Variants in CHST9 observed in about 807,000 individuals in gnomAD.
CHST9 encodes carbohydrate sulfotransferase 9, also known as GalNAc-4-sulfotransferase 2.
CHST9 carries 41 observed loss-of-function variants against 44.4 expected under a neutral mutation model. The observed-to-expected ratio is 0.92, with a 90% CI of 0.72 to 1.20. The LOEUF is 1.20. Ranked by LOEUF, CHST9 falls within the 50% of genes most tolerant of loss-of-function variation. The probability of loss-of-function intolerance (pLI) is 0.00; values close to 1 mark genes in which losing one functional copy is unlikely to be tolerated. For synonymous variants in CHST9, 171 were observed against 178.4 expected (o/e 0.96, Z 0.33); for missense variants, 504 against 516.5 (o/e 0.98, Z 0.23).
chr18:26,936,391 A>T (rs1197342296), intron 5 of CHST9: 1 of 152,150 alleles, frequency 6.6e-6, no homozygotes, highest in African/African-American at 2.4e-5. Context: ...AAAACATTGT[A>T]TTTTAGAATG....
At chr18:26,983,483 G>C (rs2056717779) in intron 4 of CHST9, among the ~76,000 whole-genome samples, 1 of 152,088 alleles carries the variant, frequency 6.6e-6, no homozygotes, top group South Asian at 2.1e-4. Context: ...TGACATGCCT[G>C]CTCCCTCTTT....
At chr18:26,935,659 AT>A (rs2055975606) in intron 5 of CHST9, 3 of 152,166 alleles carry the variant, frequency 2.0e-5, no homozygotes, top group Admixed American at 2.0e-4. Context: ...CTTTTAATAC[AT>A]TTTGAGCAAG....
chr18:27,163,266 C>A (rs1221906830), intron 1 of CHST9, among the ~76,000 whole-genome samples: 4 of 152,136 alleles, frequency 2.6e-5, no homozygotes, highest in Admixed American at 6.5e-5. Context: ...GGTCAGGGAC[C>A]CACTTGAGGA....
intron 2 of CHST9, among the ~76,000 whole-genome samples, chr18:27,084,321 A>C (rs762152773): frequency 7.2e-5 from 11 of 151,900 alleles, no homozygotes; most frequent in Non-Finnish European, 1.6e-4. Context: ...ATTCAATTTC[A>C]GAACTCATTA....
In CHST9 at chr18:26,906,555, T is replaced by A. The variant is rs1446698324; in HGVS notation, c.*9704A>T. On this transcript the variant is annotated 3_prime_UTR_variant, in exon 6 of 6. Transcript: ENST00000618847. ...CATGCATTTCCCATACCCCCCTTAC[T>A]AGGTAGGTATTCTATCCTCAGTTTT... The A allele has an allele frequency of 6.6e-6, 1 of 152,210 alleles. No homozygotes were observed. The highest frequency in any genetic ancestry group is 2.4e-5 in the African/African-American group (1 of 41,456). The allele number at this position is 152,210 out of a possible 1,614,324, so 9.4% of individuals were successfully genotyped here.
intron 2 of CHST9, among the ~76,000 whole-genome samples, chr18:27,052,499 G>A (rs2057580230): frequency 1.3e-5 from 2 of 151,992 alleles, no homozygotes; most frequent in Admixed American, 1.3e-4. Flanking sequence ...ATCTCAGTCT[G>A]AATAGGTGAT....
intron 2 of CHST9, among the ~76,000 whole-genome samples, chr18:27,098,255 G>A (rs553347048): frequency 6.6e-6 from 1 of 151,802 alleles, no homozygotes; most frequent in Non-Finnish European, 1.5e-5. Flanking sequence ...AAACCACAAT[G>A]AGATACCATC....
chr18:27,030,560 C>T (rs1164550338), intron 3 of CHST9, among the ~76,000 whole-genome samples: 1 of 152,216 alleles, frequency 6.6e-6, no homozygotes, highest in East Asian at 1.9e-4. Context: ...TTTCAGGATG[C>T]CCTGCATAAA....
At chr18:27,155,422 A>G (rs777658054) in intron 1 of CHST9, among the ~76,000 whole-genome samples, 17 of 152,326 alleles carry the variant, frequency 1.1e-4, no homozygotes, top group African/African-American at 3.8e-4. Context: ...ATAAACACCT[A>G]TTAGGCCCAG....
At chr18:27,179,056 A>G (rs2143977312) in intron 1 of CHST9, among the ~76,000 whole-genome samples, 1 of 130,912 alleles carries the variant, frequency 7.6e-6, no homozygotes, top group Non-Finnish European at 1.6e-5. Context: ...ATATACGTAC[A>G]TGCATACATG....
chr18:26,985,161 A>G (rs948616574), intron 4 of CHST9, among the ~76,000 whole-genome samples: 1 of 152,256 alleles, frequency 6.6e-6, no homozygotes, highest in East Asian at 1.9e-4. Flanking sequence ...CCACAGAGCA[A>G]CAAGAATGAA....
At chr18:27,179,983 G>T (rs535026271) in intron 1 of CHST9, among the ~76,000 whole-genome samples, 103 of 152,182 alleles carry the variant, frequency 6.8e-4, no homozygotes, top group African/African-American at 2.4e-3. Context: ...GATTTTAGTG[G>T]AAGTATATCA....
At chr18:27,138,291 A>G (rs80010195) in intron 2 of CHST9, among the ~76,000 whole-genome samples, 2,634 of 152,188 alleles carry the variant, frequency 0.017, 63 homozygotes, top group African/African-American at 0.058. Context: ...AGCACATCCA[A>G]TTGTTAAGTC....
At chr18:27,023,652 A>G (rs776276888) in intron 4 of CHST9, among the ~76,000 whole-genome samples, 1 of 152,218 alleles carries the variant, frequency 6.6e-6, no homozygotes, top group African/African-American at 2.4e-5. Flanking sequence ...ATTCAAAGCT[A>G]AATTTCAGCT....
intron 2 of CHST9, among the ~76,000 whole-genome samples, chr18:27,113,907 T>A (rs941438310): frequency 5.3e-5 from 8 of 152,226 alleles, no homozygotes; most frequent in Non-Finnish European, 1.2e-4. Flanking sequence ...TTGTAAAAAT[T>A]TTAGCATTTT....
intron 2 of CHST9, among the ~76,000 whole-genome samples, chr18:27,099,983 A>G (rs540335731): frequency 2.6e-5 from 4 of 151,506 alleles, no homozygotes; most frequent in Admixed American, 6.6e-5. Context: ...GTGTCCATCA[A>G]TGGTATTTTG....
chr18:27,167,726 C>A (rs2058801553), intron 1 of CHST9, among the ~76,000 whole-genome samples: 2 of 152,126 alleles, frequency 1.3e-5, no homozygotes, highest in South Asian at 4.1e-4. Flanking sequence ...GTAAAGGGCA[C>A]AGGAGACCTC....
At chr18:27,114,858 C>T (rs1024990151) in intron 2 of CHST9, among the ~76,000 whole-genome samples, 1 of 152,094 alleles carries the variant, frequency 6.6e-6, no homozygotes, top group Non-Finnish European at 1.5e-5. Context: ...CATTTGGATA[C>T]GTGGGTACTG....
intron 3 of CHST9, among the ~76,000 whole-genome samples, chr18:27,027,210 T>A (rs1182464327): frequency 6.6e-6 from 1 of 152,192 alleles, no homozygotes; most frequent in East Asian, 1.9e-4. Flanking sequence ...ATCATCCTTA[T>A]CTAACTGAGA....
Sources: gnomAD v4.1 joint callset for allele counts (sites outside exome capture counted in the v4.1 genomes callset) on GRCh38, gnomAD v4.1.1 for gene constraint, MANE v1.5 for transcripts, NCBI Gene and HGNC (gene_info 2026-07-23, HGNC 2026-07-21) for gene names.